The following ZC2HC1A variants were observed in gnomAD, a reference collection of about 807,000 sequenced individuals.
The protein encoded by ZC2HC1A is zinc finger C2HC domain-containing protein 1A.
In ZC2HC1A, 28 loss-of-function variants were observed where a neutral mutation model predicts 40.7. The ratio of observed to expected loss-of-function variants is 0.69; its 90% CI spans 0.51 to 0.94. ZC2HC1A has a LOEUF of 0.94. ZC2HC1A is among the 40% of genes least tolerant of loss of function. The pLI is 0.00. For missense variants in ZC2HC1A, 389 were observed against 386.3 expected (o/e 1.01, Z -0.06); for synonymous variants, 129 against 129.2 (o/e 1.00, Z 0.01).
At chr8:78,678,319 T>G (rs141204504) in intron 2 of ZC2HC1A, among the ~76,000 whole-genome samples, 2,760 of 152,266 alleles carry the variant, frequency 0.018, 45 homozygotes, top group Non-Finnish European at 0.024. Flanking sequence ...AATAACTTAA[T>G]GACATGTTAG....
At chr8:78,690,852 G>A (rs1211998411) in intron 5 of ZC2HC1A, among the ~76,000 whole-genome samples, 1 of 152,106 alleles carries the variant, frequency 6.6e-6, no homozygotes, top group Non-Finnish European at 1.5e-5. Context: ...GGATGATCTT[G>A]TAAATGGAAT....
At chr8:78,667,946 C>T (rs1050201772) in intron 1 of ZC2HC1A, among the ~76,000 whole-genome samples, 2 of 131,036 alleles carry the variant, frequency 1.5e-5, no homozygotes, top group Non-Finnish European at 3.4e-5. Flanking sequence ...TAGTGCTTGC[C>T]CTTTACTTTT....
chr8:78,685,450 T>C (rs1563625200), intron 3 of ZC2HC1A, among the ~76,000 whole-genome samples: 3 of 152,166 alleles, frequency 2.0e-5, no homozygotes. Flanking sequence ...GATCAGTAAA[T>C]TAAACTGTAA....
intron 7 of ZC2HC1A, among the ~76,000 whole-genome samples, chr8:78,701,498 C>A (rs948630831): frequency 1.3e-5 from 2 of 152,228 alleles, no homozygotes; most frequent in African/African-American, 4.8e-5. Flanking sequence ...CTTTCTCTTG[C>A]CTGATTGCAC....
intron 1 of ZC2HC1A, among the ~76,000 whole-genome samples, chr8:78,666,594 C>A (rs1217147545): frequency 6.6e-6 from 1 of 152,194 alleles, no homozygotes; most frequent in Non-Finnish European, 1.5e-5. Flanking sequence ...GGGTGTGTCT[C>A]CAGCCTCGAG....
At chr8:78,679,539 A>G (rs1363418829) in intron 3 of ZC2HC1A, 2 of 152,122 alleles carry the variant, frequency 1.3e-5, no homozygotes, top group Non-Finnish European at 2.9e-5. Context: ...GGTTGACTGA[A>G]TCCATGGATG....
chr8:78,694,587 T>C (rs1810336940), intron 5 of ZC2HC1A, among the ~76,000 whole-genome samples: 2 of 152,202 alleles, frequency 1.3e-5, no homozygotes, highest in Non-Finnish European at 2.9e-5. Flanking sequence ...GAAATTTCTT[T>C]TCCTCTCATT....
At chr8:78,706,384 C>T (rs1460945532) in intron 7 of ZC2HC1A, among the ~76,000 whole-genome samples, 1 of 152,142 alleles carries the variant, frequency 6.6e-6, no homozygotes, top group African/African-American at 2.4e-5. Context: ...TGGGTCTTTG[C>T]CTGTGCCGGA....
chr8:78,683,713 A>G (rs969440523), intron 3 of ZC2HC1A, among the ~76,000 whole-genome samples: 3 of 152,148 alleles, frequency 2.0e-5, no homozygotes, highest in Non-Finnish European at 4.4e-5. Flanking sequence ...TTTTTTCAGC[A>G]GCCATGAATT....
intron 5 of ZC2HC1A, among the ~76,000 whole-genome samples, chr8:78,690,838 A>ATAC (rs1449805983): frequency 6.6e-6 from 1 of 152,152 alleles, no homozygotes; most frequent in Non-Finnish European, 1.5e-5. Context: ...TATATCATGT[A>ATAC]TTTGGATGAT....
chr8:78,685,073 T>C (rs1040357613), intron 3 of ZC2HC1A, among the ~76,000 whole-genome samples: 10 of 152,144 alleles, frequency 6.6e-5, no homozygotes, highest in Admixed American at 5.2e-4. Flanking sequence ...TAAAATATAA[T>C]GTCTCAATAT....
Position 78,678,553 on chromosome 8 carries a change from A to T in ZC2HC1A, c.94-10A>T, listed in dbSNP as rs753613422. 1 of 1,598,254 alleles carries T rather than the reference A, an allele frequency of 6.3e-7. No individual in the cohort carries two copies. Among genetic ancestry groups the T allele is most frequent in the Non-Finnish European group, 8.5e-7 (1 of 1,172,644 alleles). On this transcript the variant is annotated splice_polypyrimidine_tract_variant and intron_variant, in intron 2 of 8. Coordinates refer to ENST00000263849, the MANE Select transcript of ZC2HC1A (RefSeq NM_016010.3). ...AGAAAATGATAGGCTGCATTTCTTT[A>T]TCTTAACAGAAAAAACATGGACCCA...
At chr8:78,698,856 A>G (rs1174958690) in intron 7 of ZC2HC1A, among the ~76,000 whole-genome samples, 1 of 152,182 alleles carries the variant, frequency 6.6e-6, no homozygotes, top group African/African-American at 2.4e-5. Context: ...GACATTTTGC[A>G]TATATTTTTG....
Position 78,698,585 on chromosome 8 carries a change from A to G in ZC2HC1A, c.704+72A>G, listed in dbSNP as rs1027932785. 5 of 1,177,768 alleles carry G rather than the reference A, an allele frequency of 4.2e-6. No homozygotes were observed. The African/African-American group carries it at 6.3e-5, about 15-fold the overall frequency. 73.0% of individuals were successfully genotyped at this position (1,177,768 alleles called of 1,614,324 possible). A position where few individuals can be genotyped will look rare whatever the true frequency, so the allele number is the denominator to read the frequency against. ...TACTAAGGTTTTGTTATGTTTTGAT[A>G]ATTGCTTTTTCATTCATCTTCATTT... On this transcript the variant is annotated intron_variant, in intron 7 of 8. Coordinates refer to ENST00000263849, the MANE Select transcript of ZC2HC1A (RefSeq NM_016010.3).
At chr8:78,701,278 A>C (rs1442851799) in intron 7 of ZC2HC1A, among the ~76,000 whole-genome samples, 4 of 151,986 alleles carry the variant, frequency 2.6e-5, no homozygotes, top group South Asian at 4.2e-4. Context: ...TTTGTTCCTG[A>C]TTTGGCTCTC....
chr8:78,674,075 A>G (rs1809504859), intron 1 of ZC2HC1A, among the ~76,000 whole-genome samples: 1 of 152,160 alleles, frequency 6.6e-6, no homozygotes. Flanking sequence ...TATGAAAAAT[A>G]GGAGTTGATT....
intron 1 of ZC2HC1A, among the ~76,000 whole-genome samples, chr8:78,672,514 C>A (rs536465136): frequency 1.3e-5 from 2 of 152,274 alleles, no homozygotes; most frequent in Admixed American, 6.5e-5. Context: ...CAGATCAACT[C>A]AGTATGTCAC....
intron 5 of ZC2HC1A, among the ~76,000 whole-genome samples, chr8:78,693,092 T>C (rs1810267732): frequency 6.6e-6 from 1 of 152,112 alleles, no homozygotes; most frequent in Non-Finnish European, 1.5e-5. Context: ...TAGTATTCCA[T>C]GGTGTATATG....
At chr8:78,684,339 A>T (rs574317108) in intron 3 of ZC2HC1A, among the ~76,000 whole-genome samples, 1 of 152,372 alleles carries the variant, frequency 6.6e-6, no homozygotes, top group South Asian at 2.1e-4. Context: ...GGCACATCTT[A>T]CATGATGGCA....
Sources: allele counts gnomAD v4.1 joint callset (sites outside exome capture counted in the v4.1 genomes callset), GRCh38; gene constraint gnomAD v4.1.1; transcripts MANE v1.5; gene names NCBI Gene and HGNC (gene_info 2026-07-23, HGNC 2026-07-21).